Variants in HBS1L observed in about 807,000 individuals in gnomAD.
HBS1L encodes HBS1-like protein.
In HBS1L, 55 loss-of-function variants were observed where a neutral mutation model predicts 88.9. That is an observed-to-expected ratio of 0.62 (90% CI 0.50 to 0.77). The LOEUF is 0.77. Among genes scored for constraint, HBS1L ranks in the 30% least tolerant of loss-of-function variants. The pLI is 0.00. For missense variants in HBS1L, 741 were observed against 829.3 expected (o/e 0.89, Z 1.31); for synonymous variants, 267 against 288.5 (o/e 0.93, Z 0.76).
At chr6:135,022,401 G>T (rs1776098361) in intron 4 of HBS1L, among the ~76,000 whole-genome samples, 1 of 151,656 alleles carries the variant, frequency 6.6e-6, no homozygotes, top group Admixed American at 6.6e-5. Context: ...GGTATCAGCT[G>T]TTCATGAAGA....
chr6:135,049,032 G>GC (rs143721632), intron 2 of HBS1L, among the ~76,000 whole-genome samples: 3,248 of 152,306 alleles, frequency 0.021, 54 homozygotes, highest in Non-Finnish European at 0.027. Flanking sequence ...TAGGATGAAA[G>GC]CAGGTACAGT....
At chr6:135,040,474 C>T (rs990825295) in intron 3 of HBS1L, among the ~76,000 whole-genome samples, 1 of 151,264 alleles carries the variant, frequency 6.6e-6, no homozygotes, top group African/African-American at 2.4e-5. Context: ...ACCTCAGCCT[C>T]CTGAGTAGCT....
At chr6:134,985,785 T>G (rs1228778938) in intron 11 of HBS1L, among the ~76,000 whole-genome samples, 1 of 152,128 alleles carries the variant, frequency 6.6e-6, no homozygotes, top group Non-Finnish European at 1.5e-5. Context: ...TAAGGGACAT[T>G]CAACCAAGTA....
intron 5 of HBS1L, among the ~76,000 whole-genome samples, chr6:134,999,012 C>G (rs1356909415): frequency 6.6e-6 from 1 of 152,110 alleles, no homozygotes; most frequent in Non-Finnish European, 1.5e-5. Flanking sequence ...GTTTGAATGA[C>G]CACAGCTAGT....
At chr6:134,968,829 C>T (rs1160443286) in intron 16 of HBS1L, among the ~76,000 whole-genome samples, 1 of 151,574 alleles carries the variant, frequency 6.6e-6, no homozygotes, top group Non-Finnish European at 1.5e-5. Flanking sequence ...TTCTTCTTAG[C>T]TTAGCATAGG....
chr6:135,002,272 G>A (rs914032246), intron 5 of HBS1L, among the ~76,000 whole-genome samples: 1 of 151,898 alleles, frequency 6.6e-6, no homozygotes, highest in Admixed American at 6.6e-5. Context: ...TGCTACAATG[G>A]TCCAATTTAC....
intron 4 of HBS1L, among the ~76,000 whole-genome samples, chr6:135,030,995 T>C (rs575983596): frequency 6.6e-6 from 1 of 152,096 alleles, no homozygotes; most frequent in Non-Finnish European, 1.5e-5. Flanking sequence ...CAAATGTCCT[T>C]TTCATGGTCT....
intron 11 of HBS1L, among the ~76,000 whole-genome samples, chr6:134,985,615 T>C (rs962659189): frequency 1.3e-5 from 2 of 152,216 alleles, no homozygotes; most frequent in Non-Finnish European, 1.5e-5. Context: ...CTGAAACTTT[T>C]TGAGCACTGA....
rs116363793 is a variant in HBS1L at position 134,995,325 on chromosome 6, C to T, written c.966-1450G>A. Among the ~76,000 whole-genome samples, 482 of 152,052 alleles carry T rather than the reference C, an allele frequency of 3.2e-3. 2 individuals carry two copies. Among genetic ancestry groups the T allele is most frequent in the African/African-American group, 0.011 (466 of 41,482 alleles). On this transcript the variant is annotated intron_variant, in intron 7 of 17. Coordinates refer to ENST00000367837, the MANE Select transcript of HBS1L (RefSeq NM_006620.4). ...AGCAACATATTACATTTTGTAAATGCTATTAAGGAACATACGGTGGTGAGC... is the reference window on the plus strand; with the variant it reads ...AGCAACATATTACATTTTGTAAATGTTATTAAGGAACATACGGTGGTGAGC...
At chr6:134,977,905 T>A (rs781539605) in intron 15 of HBS1L, among the ~76,000 whole-genome samples, 7 of 151,978 alleles carry the variant, frequency 4.6e-5, no homozygotes, top group African/African-American at 7.2e-5. Flanking sequence ...TCAAAACAAT[T>A]ACACATAAAA....
intron 15 of HBS1L, among the ~76,000 whole-genome samples, chr6:134,976,509 T>C (rs1774651618): frequency 6.6e-6 from 1 of 152,142 alleles, no homozygotes; most frequent in African/African-American, 2.4e-5. Flanking sequence ...CCAACCTAAG[T>C]GCCCATCAAC....
At chr6:134,965,723 G>A (rs1049791919) in intron 17 of HBS1L, among the ~76,000 whole-genome samples, 1 of 152,156 alleles carries the variant, frequency 6.6e-6, no homozygotes, top group East Asian at 1.9e-4. Context: ...GGTGGAGCAA[G>A]AACACAAATG....
In HBS1L at chr6:134,985,373, G is replaced by A; in HGVS notation, c.1460C>T (p.Pro487Leu). Reference sequence around the variant, plus strand: ...AACATCGGACACACATAATCTAAAAGGTTTGTCAATAGATCGCTGGGGAGG... The same window carrying A: ...AACATCGGACACACATAATCTAAAAAGTTTGTCAATAGATCGCTGGGGAGG... ...FKPPQRSIDKPFRLCVSDVFK... is the reference protein window; with the variant it reads ...FKPPQRSIDKLFRLCVSDVFK... Residue 487 changes from proline (P) to leucine (L), a missense_variant, in exon 12 of 18, where the codon CCT becomes CTT. Physicochemically the swap from Pro to Leu is moderately conservative, Grantham distance 98. This residue lies in a region of HBS1L where 556 missense variants were observed against 598.4 expected (regional missense o/e 0.93). Coordinates refer to ENST00000367837, the MANE Select transcript of HBS1L (RefSeq NM_006620.4). 7 of 1,606,524 alleles carry A rather than the reference G, an allele frequency of 4.4e-6. No individual in the cohort carries two copies. The highest frequency in any genetic ancestry group is 5.9e-6 in the Non-Finnish European group (7 of 1,176,660).
intron 4 of HBS1L, among the ~76,000 whole-genome samples, chr6:135,018,762 C>G (rs770101277): frequency 4.9e-4 from 74 of 151,692 alleles, no homozygotes; most frequent in Non-Finnish European, 4.3e-4. Context: ...AGTATACAAC[C>G]TTCAAAAAAT....
At chr6:135,043,583 G>A (rs1040136646) in intron 2 of HBS1L, among the ~76,000 whole-genome samples, 2 of 152,166 alleles carry the variant, frequency 1.3e-5, no homozygotes, top group Non-Finnish European at 2.9e-5. Context: ...GATTAGAAGG[G>A]AGGGCAAAGA....
At chr6:135,015,106 G>T (rs564828370) in intron 4 of HBS1L, among the ~76,000 whole-genome samples, 6 of 152,108 alleles carry the variant, frequency 3.9e-5, no homozygotes, top group Admixed American at 3.9e-4. Context: ...GGATAATCAG[G>T]TTTACAGGAA....
chr6:134,970,633 T>A (rs1286915079), intron 15 of HBS1L, among the ~76,000 whole-genome samples: 1 of 152,198 alleles, frequency 6.6e-6, no homozygotes, highest in African/African-American at 2.4e-5. Flanking sequence ...GGTTAAGCAA[T>A]TTAATGTGGC....
chr6:135,025,606 C>G (rs1215229274), intron 4 of HBS1L, among the ~76,000 whole-genome samples: 1 of 152,152 alleles, frequency 6.6e-6, no homozygotes, highest in Non-Finnish European at 1.5e-5. Context: ...CACACCCCTC[C>G]CATTATTCTT....
Position 134,997,670 on chromosome 6 carries a change from A to G in HBS1L, c.540-14T>C. 6.2e-7 allele frequency: 1 copy of G among 1,612,646 alleles called. No individual in the cohort carries two copies. On this transcript the variant is annotated splice_polypyrimidine_tract_variant and intron_variant, in intron 5 of 17. Transcript: ENST00000367837. ...TCAGAAGATACTCTACAGAAGGCAGATAGGAAAAAAGTATTTGAAACCAAC... is the reference window on the plus strand; with the variant it reads ...TCAGAAGATACTCTACAGAAGGCAGGTAGGAAAAAAGTATTTGAAACCAAC...
Sources: allele counts gnomAD v4.1 joint callset (sites outside exome capture counted in the v4.1 genomes callset), GRCh38; gene constraint gnomAD v4.1.1; regional missense constraint gnomAD v4.1.1; transcripts MANE v1.5; gene names NCBI Gene and HGNC (gene_info 2026-07-23, HGNC 2026-07-21).